Variants in TUSC3 observed in about 807,000 individuals in gnomAD.
The protein encoded by TUSC3 is dolichyl-diphosphooligosaccharide--protein glycosyltransferase subunit TUSC3.
A neutral mutation model predicts 44.8 loss-of-function variants in TUSC3; 45 were observed. The observed-to-expected ratio is 1.00, with a 90% CI of 0.79 to 1.29. The LOEUF is 1.29. Among genes scored for constraint, TUSC3 ranks in the 50% most tolerant of loss-of-function variants. The probability of loss-of-function intolerance (pLI) is 0.00; values close to 1 mark genes in which losing one functional copy is unlikely to be tolerated. For missense variants in TUSC3, 519 were observed against 437.9 expected (o/e 1.19, Z -1.65); for synonymous variants, 212 against 152.9 (o/e 1.39, Z -2.85).
chr8:15,458,079 C>T (rs1238641163), intron 1 of TUSC3, among the ~76,000 whole-genome samples: 4 of 151,570 alleles, frequency 2.6e-5, no homozygotes, highest in Non-Finnish European at 4.4e-5. Context: ...AACATTATAT[C>T]AACAGGAAAG....
chr8:15,565,693 T>G (rs542684914), intron 1 of TUSC3, among the ~76,000 whole-genome samples: 7 of 152,268 alleles, frequency 4.6e-5, no homozygotes, highest in African/African-American at 1.7e-4. Flanking sequence ...ACTTTCATGC[T>G]TGGAACACAT....
chr8:15,635,751 G>A (rs574465229), intron 2 of TUSC3, among the ~76,000 whole-genome samples: 1 of 152,288 alleles, frequency 6.6e-6, no homozygotes. Context: ...GCCAATGTTT[G>A]ATAAGAGTCT....
chr8:15,602,236 C>T (rs559487140), intron 1 of TUSC3, among the ~76,000 whole-genome samples: 1 of 151,606 alleles, frequency 6.6e-6, no homozygotes, highest in East Asian at 1.9e-4. Context: ...TATATATAGG[C>T]CTTCCTTTTT....
intron 6 of TUSC3, among the ~76,000 whole-genome samples, chr8:15,719,514 CACCACACACACACACA>C (rs770325428): frequency 5.2e-5 from 7 of 134,462 alleles, no homozygotes; most frequent in Admixed American, 1.4e-4. Flanking sequence ...CACACACACA[CACCACACACACACACA>C]CACACACACA....
At chr8:15,742,981 G>C (rs111639365) in intron 7 of TUSC3, among the ~76,000 whole-genome samples, 2 of 152,164 alleles carry the variant, frequency 1.3e-5, no homozygotes, top group African/African-American at 2.4e-5. Context: ...TAGCTGACTA[G>C]CTCAGGGTCC....
rs377445473 is a variant in TUSC3 at position 15,650,826 on chromosome 8, T to C, written c.426+12T>C. ...ACGTTTTTCAGCAGGTAAAGAGTTA[T>C]ATCGTATTCATATATTTAACATAGT... On this transcript the variant is annotated intron_variant, in intron 3 of 10. Transcript: ENST00000503731. The C allele has an allele frequency of 7.2e-5, 115 of 1,603,324 alleles. 4 individuals are homozygous for C. The South Asian group carries it at 8.7e-4, about 12-fold the overall frequency.
chr8:15,475,420 A>T (rs1800561733), intron 1 of TUSC3, among the ~76,000 whole-genome samples: 1 of 152,054 alleles, frequency 6.6e-6, no homozygotes, highest in Non-Finnish European at 1.5e-5. Flanking sequence ...TCATTTTTAG[A>T]TCCAGCTAAT....
chr8:15,533,030 G>A (rs919685188), intron 2 of TUSC3, among the ~76,000 whole-genome samples: 17 of 152,282 alleles, frequency 1.1e-4, no homozygotes, highest in Middle Eastern at 3.4e-3. Flanking sequence ...TGACCTTGGT[G>A]TTCCCCTGCC....
chr8:15,458,089 G>C (rs117296777), intron 1 of TUSC3, among the ~76,000 whole-genome samples: 1 of 151,954 alleles, frequency 6.6e-6, no homozygotes, highest in Non-Finnish European at 1.5e-5. Flanking sequence ...CAACAGGAAA[G>C]CAATGAAATG....
intron 1 of TUSC3, among the ~76,000 whole-genome samples, chr8:15,477,994 G>C (rs1421687436): frequency 1.3e-5 from 2 of 152,010 alleles, no homozygotes; most frequent in Admixed American, 6.6e-5. Context: ...GTCTCGTTCT[G>C]TTGCCCAGGC....
chr8:15,764,476 G>C lies in TUSC3; in HGVS notation c.*320G>C. The C allele has an allele frequency of 2.5e-6, 1 of 401,820 alleles. No individual in the cohort carries two copies. The allele number at this position is 401,820 out of a possible 1,614,324, so 24.9% of individuals were successfully genotyped here. On this transcript the variant is annotated 3_prime_UTR_variant, in exon 11 of 11. Transcript: ENST00000503731. ...CCACAGGATTGAAATAAATGACAAT[G>C]TAATTATGAATTCATGTTTTAGAGC...
At chr8:15,798,262 A>C in the TUSC3 span, among the ~76,000 whole-genome samples, 11 of 152,342 alleles carry the variant, frequency 7.2e-5, no homozygotes, top group African/African-American at 2.6e-4. Context: ...CTTTTCGCAC[A>C]GTGAACACTT....
At chr8:15,767,600 C>G (rs1409238197), downstream of TUSC3, among the ~76,000 whole-genome samples, 1 of 152,140 alleles carries the variant, frequency 6.6e-6, no homozygotes, top group Non-Finnish European at 1.5e-5. Context: ...TCTTTCCTCC[C>G]CAGTCAGGAA....
intron 1 of TUSC3, among the ~76,000 whole-genome samples, chr8:15,591,318 ATGTAT>A (rs1047112043): frequency 3.4e-4 from 47 of 140,252 alleles, no homozygotes; most frequent in African/African-American, 1.2e-3. Context: ...GTCTACATTT[ATGTAT>A]TTAAAAAGTT....
chr8:15,704,747 A>G (rs1309548004), intron 6 of TUSC3, among the ~76,000 whole-genome samples: 7 of 151,716 alleles, frequency 4.6e-5, no homozygotes, highest in Admixed American at 4.6e-4. Flanking sequence ...GATGCTTGGG[A>G]TGTAAAAAGA....
the TUSC3 span, among the ~76,000 whole-genome samples, chr8:15,773,288 A>G: frequency 6.6e-6 from 1 of 152,224 alleles, no homozygotes; most frequent in African/African-American, 2.4e-5. Flanking sequence ...ATACATGGTT[A>G]ACATGCAAAA....
At position 15,744,010 on chromosome 8, in the gene TUSC3, G is replaced by T. The variant is rs1811303876; in HGVS notation, c.937+398G>T. 2.0e-5 allele frequency among the ~76,000 whole-genome samples: 3 copies of T among 152,174 alleles called. No homozygotes were observed. In the South Asian group the frequency reaches 6.2e-4, roughly 32 times the overall value. ...TACAAGAATCAGGGGTGCGCTCAAAGCGTGACTTAGATGAAGCTTCTGCAT... is the reference window on the plus strand; with the variant it reads ...TACAAGAATCAGGGGTGCGCTCAAATCGTGACTTAGATGAAGCTTCTGCAT... On this transcript the variant is annotated intron_variant, in intron 8 of 10. Transcript: ENST00000503731.
rs1252859937 is a variant in TUSC3 at position 15,765,464 on chromosome 8, A to T, written c.*1308A>T. 2 of 152,030 alleles carry T rather than the reference A, an allele frequency of 1.3e-5. No individual in the cohort carries two copies. Among genetic ancestry groups the T allele is most frequent in the African/African-American group, 4.8e-5 (2 of 41,436 alleles). The allele number at this position is 152,030 out of a possible 1,614,324, so 9.4% of individuals were successfully genotyped here. The stretch of plus-strand genomic sequence containing the variant: ...TTCCAGCTATATAGCCTCAAACAAG[A>T]AACGGGTGTACAACCATTGAGTTTA... On this transcript the variant is annotated 3_prime_UTR_variant, in exon 11 of 11. Transcript: ENST00000503731.
chr8:15,493,729 C>G (rs1183309564), intron 2 of TUSC3, among the ~76,000 whole-genome samples: 3 of 152,158 alleles, frequency 2.0e-5, no homozygotes, highest in African/African-American at 7.2e-5. Context: ...TATTGAAAAG[C>G]TAACTTAAGA....
Sources: gnomAD v4.1 joint callset for allele counts (sites outside exome capture counted in the v4.1 genomes callset) on GRCh38, gnomAD v4.1.1 for gene constraint, MANE v1.5 for transcripts, NCBI Gene and HGNC (gene_info 2026-07-23, HGNC 2026-07-21) for gene names.